Variants in ACHE observed in about 807,000 individuals in gnomAD.
ACHE encodes acetylcholinesterase (Yt blood group).
A neutral mutation model predicts 53.9 loss-of-function variants in ACHE; 19 were observed. That is an observed-to-expected ratio of 0.35 (90% CI 0.25 to 0.52). The LOEUF (loss-of-function observed/expected upper bound fraction) is 0.52. ACHE is among the 20% of genes least tolerant of loss of function. ACHE has a pLI of 0.95. For missense variants in ACHE, 605 were observed against 849.4 expected (o/e 0.71, Z 3.58); for synonymous variants, 392 against 378.1 (o/e 1.04, Z -0.43).
intron 2 of ACHE, 149 bp downstream of exon 2, chr7:100,893,016 G>C: frequency 8.5e-7 from 1 of 1,178,562 alleles, no homozygotes; most frequent in East Asian, 2.6e-5. Context: ...CTGCCCTGCT[G>C]ACCACCCTGG....
At position 100,890,193 on chromosome 7, in the gene ACHE, G is replaced by C; in HGVS notation, c.*21C>G. On this transcript the variant is annotated 3_prime_UTR_variant, in exon 5 of 5. Transcript: ENST00000241069. ...AGCTAGGGGGCCGGGCGGAGCGGAG[G>C]ACATGGGGGTCCCGCCGGGGTCACA... The C allele has an allele frequency of 6.2e-7, 1 of 1,613,540 alleles. No individual in the cohort carries two copies. Among genetic ancestry groups the C allele is most frequent in the Non-Finnish European group, 8.5e-7 (1 of 1,179,536 alleles).
At chr7:100,895,920 C>A (rs17884317), upstream of ACHE, 16 of 149,858 alleles carry the variant, frequency 1.1e-4, no homozygotes, top group African/African-American at 2.4e-4. Context: ...GCACACACCC[C>A]CTCCGGGCCT....
Position 100,890,126 on chromosome 7 carries a change from T to A in ACHE, c.*88A>T. 3 of 1,520,268 alleles carry A rather than the reference T, an allele frequency of 2.0e-6. No homozygotes were observed. The highest frequency in any genetic ancestry group is 8.9e-7 in the Non-Finnish European group (1 of 1,121,770). 94.2% of individuals were successfully genotyped at this position (1,520,268 alleles called of 1,614,324 possible). ...GGTGGGGATGGGCAGAGTCTGGGGC[T>A]CGTCTGTGTTATAGCCCAGCCCTGA... On this transcript the variant is annotated 3_prime_UTR_variant, in exon 5 of 5. Transcript: ENST00000241069.
intron 1 of ACHE, 69 bp from the exon 2 acceptor site, chr7:100,894,321 C>G: frequency 8.6e-7 from 1 of 1,167,982 alleles, no homozygotes; most frequent in Non-Finnish European, 1.1e-6. Context: ...GATTAGGGCA[C>G]TGTCGGCCCA....
chr7:100,890,112 G>T lies in ACHE; in HGVS notation c.*102C>A. On this transcript the variant is annotated 3_prime_UTR_variant, in exon 5 of 5. Coordinates refer to ENST00000241069, the MANE Select transcript of ACHE (RefSeq NM_000665.5). ...GGACGTCGGGGTGGGGTGGGGATGG[G>T]CAGAGTCTGGGGCTCGTCTGTGTTA... 1 of 1,447,592 alleles carries T rather than the reference G, an allele frequency of 6.9e-7. No homozygotes were observed. Among genetic ancestry groups the T allele is most frequent in the East Asian group, 2.4e-5 (1 of 41,816 alleles). 89.7% of individuals were successfully genotyped at this position (1,447,592 alleles called of 1,614,324 possible).
intron 1 of ACHE, among the ~76,000 whole-genome samples, chr7:100,895,006 G>T (rs1430634418): frequency 6.6e-6 from 1 of 152,098 alleles, no homozygotes; most frequent in Admixed American, 6.5e-5. Context: ...TCCCCGCCCC[G>T]AGCCAGGAGC....
upstream of ACHE, chr7:100,895,957 A>C (rs1791023887): frequency 6.2e-5 from 1 of 16,068 alleles, no homozygotes; most frequent in Non-Finnish European, 1.2e-4. Flanking sequence ...GCCCCCGCCC[A>C]CTGTCTCCGC....
rs1286409252 is a variant in ACHE, at chr7:100,895,814, A to G, written c.-33T>C. The G allele has an allele frequency of 2.0e-5, 3 of 151,510 alleles. No homozygotes were observed. Among genetic ancestry groups the G allele is most frequent in the Non-Finnish European group, 4.4e-5 (3 of 67,918 alleles). 9.4% of individuals were successfully genotyped at this position (151,510 alleles called of 1,614,324 possible). ...GAGGGAGACTCACCTGAGGCGGCCG[A>G]GCCGGGCCGGGCCGGGCCGCGCCGG... is the stretch of plus-strand genomic sequence containing the variant. On this transcript the variant is annotated 5_prime_UTR_variant, in exon 1 of 5. Coordinates refer to ENST00000241069, the MANE Select transcript of ACHE (RefSeq NM_000665.5).
At chr7:100,890,735 A>G (rs1227803729) in intron 4 of ACHE, 2 of 1,340,002 alleles carry the variant, frequency 1.5e-6, no homozygotes, top group East Asian at 2.8e-5. Context: ...ATAATTTTAT[A>G]AAAGAATACT....
rs202183011 is a variant in ACHE at position 100,893,548 on chromosome 7, T to A, written c.685A>T (p.Thr229Ser). The change falls in exon 2 of 5, where the codon ACG (threonine) becomes TCG (serine). Residue 229 changes from threonine (T) to serine (S), a missense_variant. Physicochemically the swap from Thr to Ser is moderately conservative, Grantham distance 58 (BLOSUM62 1). Around this residue, in one of 4 missense-constraint regions of ACHE, gnomAD observed 397 missense variants for 632.5 expected, o/e 0.63. Coordinates refer to ENST00000241069, the MANE Select transcript of ACHE (RefSeq NM_000665.5). Reference sequence around the variant, plus strand: ...GCTCCCGCGCTCTCCCCAAACAGCGTCACTGATGTCGGGTCACCCCCGAAG... The same window carrying A: ...GCTCCCGCGCTCTCCCCAAACAGCGACACTGATGTCGGGTCACCCCCGAAG... The part of the protein sequence containing the change: ...AAFGGDPTSV[T>S]LFGESAGAAS... The A allele has an allele frequency of 6.2e-7, 1 of 1,611,440 alleles. No homozygotes were observed. Among genetic ancestry groups the A allele is most frequent in the East Asian group, 2.2e-5 (1 of 44,860 alleles).
In ACHE at chr7:100,891,783, C is replaced by CTTTTT. The variant is rs71902456; in HGVS notation, c.1554-450_1554-446dup. The stretch of plus-strand genomic sequence containing the variant: ...CTCCAACTCCTTTGTCTTGGTCTCC[C>CTTTTT]TTTTTTTTTTTTTTTTTTTTTTCCA... On this transcript the variant is annotated intron_variant, in intron 3 of 4. Transcript: ENST00000241069. Among the ~76,000 whole-genome samples, 27 of 103,462 alleles carry CTTTTT rather than the reference C, an allele frequency of 2.6e-4. 1 individual carries two copies. Among genetic ancestry groups the CTTTTT allele is most frequent in the Admixed American group, 1.5e-3 (11 of 7,448 alleles). 67.9% of individuals were successfully genotyped at this position (103,462 alleles called of 152,430 possible). A position where few individuals can be genotyped will look rare whatever the true frequency, so the allele number is the denominator to read the frequency against.
Position 100,893,654 on chromosome 7 carries a change from C to T in ACHE, c.579G>A (p.Pro193=), listed in dbSNP as rs201687544. Residue 193 remains proline (P), a synonymous_variant, in exon 2 of 5, where the codon CCG becomes CCA. Coordinates refer to ENST00000241069, the MANE Select transcript of ACHE (RefSeq NM_000665.5). ...CATTGCCCGGGGCCTCTCGGCTCCCCGGCAGGGCCAGGAAGCCAAAGGCTC... is the reference window on the plus strand; with the variant it reads ...CATTGCCCGGGGCCTCTCGGCTCCCTGGCAGGGCCAGGAAGCCAAAGGCTC... ...RVGAFGFLAL[P]GSREAPGNVG... The T allele has an allele frequency of 5.1e-5, 83 of 1,613,232 alleles. No individual in the cohort carries two copies. The East Asian group carries it at 1.3e-3, about 25-fold the overall frequency.
chr7:100,893,523 G>A lies in ACHE; in HGVS notation c.710C>T (p.Ala237Val). The A allele has an allele frequency of 1.2e-6, 2 of 1,609,474 alleles. No individual in the cohort carries two copies. Residue 237 changes from alanine to valine, a missense_variant, in exon 2 of 5, where the codon GCC becomes GTC. Around this residue, in one of 4 missense-constraint regions of ACHE, gnomAD observed 397 missense variants for 632.5 expected, o/e 0.63. Coordinates refer to ENST00000241069, the MANE Select transcript of ACHE (RefSeq NM_000665.5). ...CAGCAGGTGCATGCCCACCGAGGCG[G>A]CTCCCGCGCTCTCCCCAAACAGCGT... ...SVTLFGESAG[A>V]ASVGMHLLSP... is the part of the protein sequence containing the mutation.
At chr7:100,896,377 T>G (rs3757869), upstream of ACHE, 84,562 of 157,828 alleles carry the variant, frequency 0.54, 23,214 homozygotes, top group East Asian at 0.83. Context: ...TGTGGCAGAG[T>G]ACCGTCCCCT....
Position 100,894,156 on chromosome 7 carries a change from C to G in ACHE, c.77G>C (p.Gly26Ala). ...CCGGCCCTCAGCCCCCACTCCTCCA[C>G]CCAGGAGCCAGAGGAGGAGGAGAAG... ...PLLLLLLWLL[G>A]GGVGAEGRED... Residue 26 changes from glycine to alanine, a missense_variant, in exon 2 of 5, where the codon GGT (glycine) becomes GCT (alanine). Gly to Ala is a moderately conservative substitution (Grantham distance 60). Transcript: ENST00000241069. The G allele has an allele frequency of 6.7e-7, 1 of 1,487,554 alleles. No individual in the cohort carries two copies. The highest frequency in any genetic ancestry group is 8.9e-7 in the Non-Finnish European group (1 of 1,125,008). The allele number at this position is 1,487,554 out of a possible 1,614,324, so 92.1% of individuals were successfully genotyped here.
chr7:100,891,020 G>C, intron 4 of ACHE, 149 bp downstream of exon 4: 1 of 1,456,166 alleles, frequency 6.9e-7, no homozygotes, highest in South Asian at 1.4e-5. Flanking sequence ...AGGAGGGGCA[G>C]GGGGAGGCCG....
chr7:100,890,742 T>A (rs541165973), intron 4 of ACHE: 1 of 1,338,964 alleles, frequency 7.5e-7, no homozygotes, highest in East Asian at 2.8e-5. Context: ...TATAAAAGAA[T>A]ACTGGCTTTT....
rs17234982 is a variant in ACHE, at chr7:100,894,064, C to G, written c.169G>C (p.Gly57Arg). ...CCCAGGAAAGCAGAGACAGGGCCCCCGGGGGTCTTCAGGCGAATGCCCCGC... is the reference window on the plus strand; with the variant it reads ...CCCAGGAAAGCAGAGACAGGGCCCCGGGGGGTCTTCAGGCGAATGCCCCGC... Reference protein sequence around the residue: ...RLRGIRLKTPGGPVSAFLGIP... With the variant: ...RLRGIRLKTPRGPVSAFLGIP... The change falls in exon 2 of 5, where the codon GGG becomes CGG. Residue 57 changes from glycine (G) to arginine (R), a missense_variant. Physicochemically the swap from Gly to Arg is moderately radical, Grantham distance 125. Around this residue, in one of 4 missense-constraint regions of ACHE, gnomAD observed 89 missense variants for 78.9 expected, o/e 1.13. Transcript: ENST00000241069. The G allele has an allele frequency of 2.1e-4, 325 of 1,566,172 alleles. 1 individual carries two copies. Among genetic ancestry groups the G allele is most frequent in the Non-Finnish European group, 2.8e-4 (323 of 1,156,962 alleles).
intron 3 of ACHE, 143 bp from the exon 4 acceptor site, chr7:100,891,481 G>C (rs1248132898): frequency 6.8e-6 from 5 of 733,666 alleles, no homozygotes; most frequent in African/African-American, 1.9e-5. Flanking sequence ...CAATGTGCGC[G>C]GTCATTGGGG....
Sources: gnomAD v4.1 joint callset for allele counts (sites outside exome capture counted in the v4.1 genomes callset) on GRCh38, gnomAD v4.1.1 for gene constraint, gnomAD v4.1.1 regional missense constraint, MANE v1.5 for transcripts, NCBI Gene and HGNC (gene_info 2026-07-23, HGNC 2026-07-21) for gene names.